Variants in ANXA4 observed in about 807,000 individuals in gnomAD.
ANXA4 encodes the protein 35-beta calcimedin.
In ANXA4, 39 loss-of-function variants were observed where a neutral mutation model predicts 49.8. That is an observed-to-expected ratio of 0.78 (90% CI 0.61 to 1.02). The LOEUF is 1.02. ANXA4 is among the 50% of genes least tolerant of loss of function. ANXA4 has a pLI of 0.00. For synonymous variants in ANXA4, 134 were observed against 152.5 expected (o/e 0.88, Z 0.89); for missense variants, 360 against 410.1 (o/e 0.88, Z 1.05).
chr2:69,714,954 T>C (rs1439651782), intron 2 of ANXA4, among the ~76,000 whole-genome samples: 1 of 152,146 alleles, frequency 6.6e-6, no homozygotes, highest in Non-Finnish European at 1.5e-5. Flanking sequence ...AAGTAACAGA[T>C]GTGGAGATGC....
chr2:69,775,436 T>A (rs550514867), intron 1 of ANXA4, among the ~76,000 whole-genome samples: 28 of 152,256 alleles, frequency 1.8e-4, no homozygotes, highest in Non-Finnish European at 3.5e-4. Flanking sequence ...CAGCATGGTA[T>A]GCTACTCCGT....
intron 2 of ANXA4, among the ~76,000 whole-genome samples, chr2:69,682,865 C>G (rs112851016): frequency 0.013 from 1,917 of 152,274 alleles, 43 homozygotes; most frequent in African/African-American, 0.044. Flanking sequence ...AAAATGCTGT[C>G]AGTGTTTATT....
rs556407515 is a variant in ANXA4 at position 69,651,070 on chromosome 2, A to G, written n.482-1928A>G. 2.6e-5 allele frequency among the ~76,000 whole-genome samples: 4 copies of G among 152,308 alleles called. No individual in the cohort carries two copies. In the South Asian group the frequency reaches 8.3e-4, roughly 32 times the overall value. On this transcript the variant is annotated intron_variant and non_coding_transcript_variant, in intron 1 of 3. Transcript: ENST00000418066. ...TGGTTGTGTATATTTCTTCATTTCTAAATTGTATCCTCTTCCATTTTTCCA... is the reference window on the plus strand; with the variant it reads ...TGGTTGTGTATATTTCTTCATTTCTGAATTGTATCCTCTTCCATTTTTCCA...
At chr2:69,812,152 C>G (rs1370662364) in intron 7 of ANXA4, among the ~76,000 whole-genome samples, 1 of 142,818 alleles carries the variant, frequency 7.0e-6, no homozygotes, top group Non-Finnish European at 1.5e-5. Flanking sequence ...GATTCAAGGT[C>G]TTGCTATGTT....
chr2:69,661,924 G>T (rs1436986672), intron 2 of ANXA4, among the ~76,000 whole-genome samples: 6 of 152,292 alleles, frequency 3.9e-5, no homozygotes, highest in South Asian at 2.1e-4. Context: ...GAAGAATCAT[G>T]CAGTGGCTCT....
At chr2:69,752,956 T>C (rs539634707) in intron 1 of ANXA4, among the ~76,000 whole-genome samples, 1 of 152,264 alleles carries the variant, frequency 6.6e-6, no homozygotes, top group Non-Finnish European at 1.5e-5. Context: ...TTTTACTGTT[T>C]ACTCTGCTTG....
At chr2:69,770,596 G>A (rs1671666119) in intron 1 of ANXA4, among the ~76,000 whole-genome samples, 1 of 152,148 alleles carries the variant, frequency 6.6e-6, no homozygotes, top group African/African-American at 2.4e-5. Context: ...GGTGGGGTCT[G>A]AAGGAGAGCT....
intron 1 of ANXA4, among the ~76,000 whole-genome samples, chr2:69,646,494 T>G (rs1676013476): frequency 6.6e-6 from 1 of 152,240 alleles, no homozygotes; most frequent in African/African-American, 2.4e-5. Flanking sequence ...AAGATTGATT[T>G]GAAGTATCCT....
At chr2:69,655,124 C>T (rs1156787447) in intron 2 of ANXA4, among the ~76,000 whole-genome samples, 1 of 152,146 alleles carries the variant, frequency 6.6e-6, no homozygotes. Flanking sequence ...TGGGTAAAGA[C>T]TTCATGACTA....
At chr2:69,730,766 G>C (rs1432177522) in intron 3 of ANXA4, among the ~76,000 whole-genome samples, 1 of 152,212 alleles carries the variant, frequency 6.6e-6, no homozygotes, top group Admixed American at 6.5e-5. Context: ...TGAATCTATG[G>C]AAGATTGGTA....
At chr2:69,730,901 C>T (rs997602513) in intron 3 of ANXA4, among the ~76,000 whole-genome samples, 1 of 152,180 alleles carries the variant, frequency 6.6e-6, no homozygotes, top group African/African-American at 2.4e-5. Flanking sequence ...TTCGCTTTCT[C>T]CATCCAGTAG....
At chr2:69,815,973 C>T in intron 8 of ANXA4, 128 bp from the exon 9 acceptor site, 1 of 708,556 alleles carries the variant, frequency 1.4e-6, no homozygotes, top group East Asian at 2.7e-5. Flanking sequence ...CTCACCACTA[C>T]CATTTCCAAC....
At chr2:69,706,068 CTTCT>C (rs759074007) in intron 2 of ANXA4, among the ~76,000 whole-genome samples, 92 of 151,732 alleles carry the variant, frequency 6.1e-4, no homozygotes, top group Non-Finnish European at 1.0e-3. Context: ...AGCATAATAT[CTTCT>C]TTCTTTAATG....
intron 1 of ANXA4, among the ~76,000 whole-genome samples, chr2:69,759,125 G>T (rs1372481348): frequency 1.0e-5 from 1 of 95,448 alleles, no homozygotes; most frequent in African/African-American, 4.8e-5. Context: ...GAGAGACTCT[G>T]TCTCAAAAAA....
chr2:69,730,904 T>C lies in ANXA4; in HGVS notation n.864+10033T>C, dbSNP rs111278277. Among the ~76,000 whole-genome samples the C allele has an allele frequency of 5.3e-3, 813 of 152,292 alleles. 5 individuals carry two copies. The highest frequency in any genetic ancestry group is 0.019 in the African/African-American group (781 of 41,558). ...TAATGTCATATATTCGCTTTCTCCA[T>C]CCAGTAGTGATGACAGGGAAGTGCT... On this transcript the variant is annotated intron_variant and non_coding_transcript_variant, in intron 3 of 3. Transcript: ENST00000418066.
At chr2:69,677,041 C>G in intron 2 of ANXA4, among the ~76,000 whole-genome samples, 1 of 152,014 alleles carries the variant, frequency 6.6e-6, no homozygotes, top group Non-Finnish European at 1.5e-5. Flanking sequence ...TCTCAAACTC[C>G]TTGGCCTCAA....
At chr2:69,704,253 A>G (rs1355053843) in intron 2 of ANXA4, among the ~76,000 whole-genome samples, 1 of 152,140 alleles carries the variant, frequency 6.6e-6, no homozygotes, top group East Asian at 1.9e-4. Context: ...TAGTGTTCCT[A>G]TTTAAATGGG....
intron 3 of ANXA4, among the ~76,000 whole-genome samples, chr2:69,789,890 A>G (rs6546548): frequency 0.5 from 75,904 of 151,836 alleles, 19,801 homozygotes; most frequent in African/African-American, 0.66. Context: ...GCAGACATCC[A>G]CCCAAGTCTG....
intron 1 of ANXA4, among the ~76,000 whole-genome samples, chr2:69,749,883 C>T (rs1670767559): frequency 6.6e-6 from 1 of 151,420 alleles, no homozygotes; most frequent in African/African-American, 2.4e-5. Flanking sequence ...AGATCATGCC[C>T]CTACACTCCA....
Sources: gnomAD v4.1 joint callset for allele counts (sites outside exome capture counted in the v4.1 genomes callset) on GRCh38, gnomAD v4.1.1 for gene constraint, MANE v1.5 for transcripts, NCBI Gene and HGNC (gene_info 2026-07-23, HGNC 2026-07-21) for gene names.